Variants in CTNNA3 observed in about 807,000 individuals in gnomAD.
CTNNA3 encodes catenin alpha-3.
A neutral mutation model predicts 95.7 loss-of-function variants in CTNNA3; 76 were observed. The observed-to-expected ratio is 0.79, with a 90% CI of 0.66 to 0.96. CTNNA3 has a LOEUF of 0.96. Among genes scored for constraint, CTNNA3 ranks in the 40% least tolerant of loss-of-function variants. The probability of loss-of-function intolerance (pLI) is 0.00; values close to 1 mark genes in which losing one functional copy is unlikely to be tolerated. For synonymous variants in CTNNA3, 431 were observed against 374.4 expected (o/e 1.15, Z -1.74); for missense variants, 1,191 against 1,089.8 (o/e 1.09, Z -1.31).
chr10:67,326,004 G>C (rs1841524126), intron 5 of CTNNA3, among the ~76,000 whole-genome samples: 1 of 151,976 alleles, frequency 6.6e-6, no homozygotes, highest in African/African-American at 2.4e-5. Flanking sequence ...TTTGATCTTT[G>C]TTGGCTGGCT....
At chr10:67,396,237 T>C (rs1175408652) in intron 5 of CTNNA3, among the ~76,000 whole-genome samples, 2 of 152,096 alleles carry the variant, frequency 1.3e-5, no homozygotes, top group African/African-American at 4.8e-5. Flanking sequence ...AATATGAATC[T>C]AGAAAAATAG....
chr10:66,282,604 T>C (rs2091512973), intron 12 of CTNNA3, among the ~76,000 whole-genome samples: 1 of 151,802 alleles, frequency 6.6e-6, no homozygotes, highest in Non-Finnish European at 1.5e-5. Flanking sequence ...CCCCACTGTC[T>C]CTATTCATCA....
chr10:67,618,821 C>T (rs1204842189), intron 2 of CTNNA3, among the ~76,000 whole-genome samples: 1 of 152,182 alleles, frequency 6.6e-6, no homozygotes, highest in East Asian at 1.9e-4. Context: ...TTTGTCAGAA[C>T]TCTCTCTAAG....
chr10:66,613,320 A>G (rs1589497020), intron 10 of CTNNA3, among the ~76,000 whole-genome samples: 1 of 152,040 alleles, frequency 6.6e-6, no homozygotes, highest in East Asian at 1.9e-4. Flanking sequence ...TAAAATTCTT[A>G]TTTCTCAGAA....
In CTNNA3 at chr10:66,847,267, C is replaced by T. The variant is rs932029583; in HGVS notation, c.1048-71743G>A. Among the ~76,000 whole-genome samples the T allele has an allele frequency of 2.6e-5, 4 of 152,288 alleles. No individual in the cohort carries two copies. In the East Asian group the frequency reaches 7.7e-4, roughly 29 times the overall value. Reference sequence around the variant, plus strand: ...CACAGCATTCTTGTCATGGTGTGAACTTACTCTGCCACATTGTCTGGAAGT... The same window carrying T: ...CACAGCATTCTTGTCATGGTGTGAATTTACTCTGCCACATTGTCTGGAAGT... On this transcript the variant is annotated intron_variant, in intron 7 of 17. Coordinates refer to ENST00000433211, the MANE Select transcript of CTNNA3 (RefSeq NM_013266.4).
chr10:66,815,373 CTGG>C (rs1426739737), intron 7 of CTNNA3, among the ~76,000 whole-genome samples: 1 of 152,088 alleles, frequency 6.6e-6, no homozygotes, highest in Non-Finnish European at 1.5e-5. Flanking sequence ...ATTCACTTCG[CTGG>C]TGAGAATCAG....
At chr10:66,118,840 C>T (rs76346986) in intron 13 of CTNNA3, among the ~76,000 whole-genome samples, 5,536 of 152,196 alleles carry the variant, frequency 0.036, 338 homozygotes, top group African/African-American at 0.12. Context: ...CAAGCATCAG[C>T]TTGGTTTAAT....
intron 11 of CTNNA3, among the ~76,000 whole-genome samples, chr10:66,396,747 A>G (rs1303927463): frequency 1.3e-5 from 2 of 151,930 alleles, no homozygotes; most frequent in East Asian, 1.9e-4. Flanking sequence ...ACCATCCTCA[A>G]AGAAATTCCA....
At chr10:67,114,532 T>C (rs961955103) in intron 7 of CTNNA3, among the ~76,000 whole-genome samples, 1 of 152,188 alleles carries the variant, frequency 6.6e-6, no homozygotes, top group South Asian at 2.1e-4. Flanking sequence ...TTTTTCCTGC[T>C]GCCATCAACT....
chr10:67,708,624 G>A (rs546648065), intron 1 of CTNNA3, among the ~76,000 whole-genome samples: 34 of 152,184 alleles, frequency 2.2e-4, no homozygotes, highest in African/African-American at 6.7e-4. Context: ...TCCTGTCTTT[G>A]CAATTCTAAT....
Position 66,942,620 on chromosome 10 carries a change from G to C in CTNNA3, c.1048-167096C>G, listed in dbSNP as rs183305710. ...TGTGTGTGTCTGCGTGTGTGTGCAT[G>C]TGTCTCTCTCTTTCCCTTTTTTCTC... is the stretch of plus-strand genomic sequence containing the variant. On this transcript the variant is annotated intron_variant, in intron 7 of 17. Coordinates refer to ENST00000433211, the MANE Select transcript of CTNNA3 (RefSeq NM_013266.4). 3.3e-5 allele frequency among the ~76,000 whole-genome samples: 5 copies of C among 151,602 alleles called. No homozygotes were observed. In the East Asian group the frequency reaches 9.7e-4, roughly 30 times the overall value.
chr10:67,161,435 T>C (rs1861544817), intron 7 of CTNNA3, among the ~76,000 whole-genome samples: 1 of 151,754 alleles, frequency 6.6e-6, no homozygotes, highest in Non-Finnish European at 1.5e-5. Context: ...TTCTACATTT[T>C]CCTCAAACTG....
chr10:66,115,626 T>TAGAGAC (rs2082313256), intron 13 of CTNNA3, among the ~76,000 whole-genome samples: 1 of 149,968 alleles, frequency 6.7e-6, no homozygotes, highest in Non-Finnish European at 1.5e-5. Context: ...GAGATAGAGA[T>TAGAGAC]AGAGATAGAG....
At chr10:67,429,228 T>A (rs1846026138) in intron 5 of CTNNA3, among the ~76,000 whole-genome samples, 1 of 152,006 alleles carries the variant, frequency 6.6e-6, no homozygotes, top group African/African-American at 2.4e-5. Flanking sequence ...AATCAACCCT[T>A]CAAACTTTTC....
At chr10:66,179,096 T>G (rs1413271041) in intron 13 of CTNNA3, among the ~76,000 whole-genome samples, 11 of 152,022 alleles carry the variant, frequency 7.2e-5, no homozygotes, top group Admixed American at 7.2e-4. Context: ...CACAAAAACC[T>G]GTATATTAAT....
chr10:67,492,513 C>A (rs138677084), intron 5 of CTNNA3, among the ~76,000 whole-genome samples: 85 of 152,284 alleles, frequency 5.6e-4, no homozygotes, highest in African/African-American at 2.0e-3. Context: ...CACTTAATAT[C>A]AAGAGAGACA....
At chr10:67,471,314 T>A (rs1159412532) in intron 5 of CTNNA3, among the ~76,000 whole-genome samples, 1 of 152,208 alleles carries the variant, frequency 6.6e-6, no homozygotes, top group Non-Finnish European at 1.5e-5. Context: ...AAACTGCCCC[T>A]AGTTGAAAAC....
intron 9 of CTNNA3, among the ~76,000 whole-genome samples, chr10:66,676,066 T>C (rs1252107831): frequency 6.6e-6 from 1 of 151,824 alleles, no homozygotes; most frequent in African/African-American, 2.4e-5. Flanking sequence ...TCTGTTAACA[T>C]AAATAATGGG....
chr10:66,806,756 A>ATGTGTGTGTGTGTG (rs57749652), intron 7 of CTNNA3, among the ~76,000 whole-genome samples: 8 of 145,718 alleles, frequency 5.5e-5, no homozygotes, highest in African/African-American at 1.8e-4. Context: ...TGTGGCATAT[A>ATGTGTGTGTGTGTG]TGTGTGTGTG....
Sources: allele counts gnomAD v4.1 joint callset (sites outside exome capture counted in the v4.1 genomes callset), GRCh38; gene constraint gnomAD v4.1.1; transcripts MANE v1.5; gene names NCBI Gene and HGNC (gene_info 2026-07-23, HGNC 2026-07-21).